AGBL1: variants seen among roughly 807,000 people sequenced by gnomAD.
The protein encoded by AGBL1 is cytosolic carboxypeptidase 4.
Under a neutral mutation model 118.9 loss-of-function variants are expected in AGBL1, and 130 were observed. That is an observed-to-expected ratio of 1.09 (90% confidence interval 0.95 to 1.26). The LOEUF is 1.26. Ranked by LOEUF, AGBL1 falls within the 50% of genes most tolerant of loss-of-function variation. The pLI is 0.00. For missense variants in AGBL1, 1,584 were observed against 1,298.1 expected, an observed-to-expected ratio of 1.22 and a Z score of -3.38; for synonymous variants, 555 against 478.9, an observed-to-expected ratio of 1.16 and a Z score of -2.08.
intron 22 of AGBL1, among the ~76,000 whole-genome samples, chr15:86,787,336 A>G (rs1209786029): frequency 6.6e-6 from 1 of 152,104 alleles, no homozygotes; most frequent in Non-Finnish European, 1.5e-5. Flanking sequence ...TGTACATTAG[A>G]TCTCTAGACT....
At chr15:86,185,051 A>G (rs1299794710) in intron 5 of AGBL1, among the ~76,000 whole-genome samples, 17 of 152,194 alleles carry the variant, frequency 1.1e-4, no homozygotes, top group Admixed American at 1.1e-3. Context: ...AAGAACTCAA[A>G]CAAATTTACA....
At chr15:87,011,063 A>G (rs1439740408) in intron 24 of AGBL1, among the ~76,000 whole-genome samples, 1 of 152,202 alleles carries the variant, frequency 6.6e-6, no homozygotes, top group African/African-American at 2.4e-5. Context: ...TCTCTCATAT[A>G]TGAGTGAGAC....
chr15:86,410,839 TA>T (rs2081602088), intron 18 of AGBL1, among the ~76,000 whole-genome samples: 1 of 68,164 alleles, frequency 1.5e-5, no homozygotes, highest in Non-Finnish European at 2.7e-5. Flanking sequence ...TATATATATA[TA>T]TAATATACTA....
At chr15:87,001,783 G>C (rs755728753) in intron 24 of AGBL1, among the ~76,000 whole-genome samples, 18 of 152,178 alleles carry the variant, frequency 1.2e-4, no homozygotes, top group Non-Finnish European at 2.4e-4. Flanking sequence ...GTCGTCTTTT[G>C]AGAAGTGTCT....
At chr15:86,882,278 C>T (rs535766172) in intron 22 of AGBL1, among the ~76,000 whole-genome samples, 1 of 152,286 alleles carries the variant, frequency 6.6e-6, no homozygotes, top group South Asian at 2.1e-4. Context: ...TCTCACGTCC[C>T]ATCGATGTCA....
At chr15:86,557,057 C>A (rs2083745263) in intron 21 of AGBL1, among the ~76,000 whole-genome samples, 1 of 152,142 alleles carries the variant, frequency 6.6e-6, no homozygotes, top group African/African-American at 2.4e-5. Flanking sequence ...ATTTTCCAGT[C>A]TATAGTTGGC....
At chr15:86,947,061 C>T (rs1373913832) in intron 23 of AGBL1, among the ~76,000 whole-genome samples, 1 of 152,056 alleles carries the variant, frequency 6.6e-6, no homozygotes, top group Non-Finnish European at 1.5e-5. Context: ...CAGGGACTAC[C>T]GACTTAATCA....
intron 17 of AGBL1, among the ~76,000 whole-genome samples, chr15:86,337,020 G>A (rs934041851): frequency 1.3e-5 from 2 of 152,202 alleles, no homozygotes; most frequent in Admixed American, 6.5e-5. Flanking sequence ...AAGGACTCTG[G>A]CTGTCCGGGA....
chr15:86,806,950 A>G (rs1407867650), intron 22 of AGBL1, among the ~76,000 whole-genome samples: 2 of 152,082 alleles, frequency 1.3e-5, no homozygotes, highest in Non-Finnish European at 2.9e-5. Flanking sequence ...CTACATCTGC[A>G]TTGCAGAACT....
chr15:86,206,449 A>G (rs970973890), intron 5 of AGBL1, among the ~76,000 whole-genome samples: 1 of 152,126 alleles, frequency 6.6e-6, no homozygotes, highest in African/African-American at 2.4e-5. Flanking sequence ...AAGTGTTCCT[A>G]TTTCTCCACA....
Position 86,264,485 on chromosome 15 carries a change from G to A in AGBL1, c.1314G>A (p.Leu438=), listed in dbSNP as rs368288468. The part of the protein sequence containing the change: ...LGSKKNPGVN[L]YQNVQSNSLR... The stretch of plus-strand genomic sequence containing the variant: ...CCAAAAAAAATCCTGGAGTGAACCT[G>A]TACCAAAATGTGCAATCCAATAGTC... Residue 438 remains leucine (L), a synonymous_variant, in exon 11 of 23, where the codon CTG becomes CTA. Transcript: ENST00000614907. The A allele has an allele frequency of 9.3e-6, 15 of 1,613,914 alleles. No individual in the cohort carries two copies. In the African/African-American group the frequency reaches 1.5e-4, roughly 16 times the overall value.
chr15:86,285,521 C>T (rs1018075362), intron 16 of AGBL1, among the ~76,000 whole-genome samples: 1 of 152,148 alleles, frequency 6.6e-6, no homozygotes, highest in African/African-American at 2.4e-5. Flanking sequence ...CACATGCCCT[C>T]TTGCCTGCCA....
downstream of AGBL1, among the ~76,000 whole-genome samples, chr15:86,918,211 A>C (rs1047975105): frequency 6.6e-6 from 1 of 152,228 alleles, no homozygotes; most frequent in African/African-American, 2.4e-5. Context: ...ACTATTCACA[A>C]AACCCCTTTG....
intron 22 of AGBL1, among the ~76,000 whole-genome samples, chr15:86,841,619 G>T (rs2079246054): frequency 6.6e-6 from 1 of 152,134 alleles, no homozygotes; most frequent in Non-Finnish European, 1.5e-5. Flanking sequence ...GCCGAGGTGG[G>T]TGAATCATCT....
chr15:86,758,960 C>T (rs1043939830), intron 22 of AGBL1, among the ~76,000 whole-genome samples: 1 of 124,472 alleles, frequency 8.0e-6, no homozygotes, highest in Non-Finnish European at 1.6e-5. Context: ...ATGACAGACA[C>T]CCTGTCAAAA....
In AGBL1 at chr15:86,567,650, C is replaced by CT. The variant is rs910841691; in HGVS notation, c.2994+13121dup. On this transcript the variant is annotated intron_variant, in intron 21 of 22. Transcript: ENST00000614907. Reference sequence around the variant, plus strand: ...ACCTTTAGAGGAATATAATTTTGATCTTTTTTTTGATCTTTGAATGGGGGA... The same window carrying CT: ...ACCTTTAGAGGAATATAATTTTGATCTTTTTTTTTGATCTTTGAATGGGGGA... Among the ~76,000 whole-genome samples the CT allele has an allele frequency of 3.3e-4, 50 of 152,074 alleles. 1 individual carries two copies. In the South Asian group the frequency reaches 7.5e-3, roughly 23 times the overall value.
At chr15:87,028,566 C>G (rs1030935564) in intron 24 of AGBL1, among the ~76,000 whole-genome samples, 5 of 151,690 alleles carry the variant, frequency 3.3e-5, no homozygotes, top group African/African-American at 1.2e-4. Flanking sequence ...TGAGAATTTT[C>G]TAGGTATCAG....
intron 21 of AGBL1, among the ~76,000 whole-genome samples, chr15:86,581,998 A>G (rs2084178164): frequency 6.6e-6 from 1 of 152,154 alleles, no homozygotes; most frequent in African/African-American, 2.4e-5. Flanking sequence ...TCTCAACCTC[A>G]GCACTTTTGA....
intron 23 of AGBL1, among the ~76,000 whole-genome samples, chr15:86,978,613 C>G (rs769392204): frequency 1.3e-5 from 2 of 152,138 alleles, no homozygotes; most frequent in African/African-American, 2.4e-5. Context: ...CTAGCCCCAC[C>G]AAAGGATCCC....
Sources: allele counts gnomAD v4.1 joint callset (sites outside exome capture counted in the v4.1 genomes callset), GRCh38; gene constraint gnomAD v4.1.1; transcripts MANE v1.5; gene names NCBI Gene and HGNC (gene_info 2026-07-23, HGNC 2026-07-21).